KLF12: variants seen among roughly 807,000 people sequenced by gnomAD.
KLF12 encodes the protein KLF transcription factor 12.
KLF12 carries 9 observed loss-of-function variants against 37.8 expected under a neutral mutation model. The observed-to-expected ratio is 0.24, with a 90% CI of 0.14 to 0.42. The LOEUF (loss-of-function observed/expected upper bound fraction) is 0.42. KLF12 is among the 10% of genes least tolerant of loss of function. The probability of loss-of-function intolerance (pLI) is 1.00; values close to 1 mark genes in which losing one functional copy is unlikely to be tolerated. For synonymous variants in KLF12, 208 were observed against 202.1 expected (o/e 1.03, Z -0.25); for missense variants, 411 against 516.0 (o/e 0.80, Z 1.97).
rs144145565 is a variant in KLF12, at chr13:73,838,822, G to A, written c.670+7005C>T. Among the ~76,000 whole-genome samples, 687 of 152,252 alleles carry A rather than the reference G, an allele frequency of 4.5e-3. 2 individuals carry two copies. The highest frequency in any genetic ancestry group is 6.5e-3 in the Non-Finnish European group (439 of 68,026). ...AGGAAAAGACAGAAATGTAGCAAAA[G>A]GGGAGAAATAGCAGAGCATCTACAT... On this transcript the variant is annotated intron_variant, in intron 4 of 7. Coordinates refer to ENST00000377669, the MANE Select transcript of KLF12 (RefSeq NM_007249.5).
intron 7 of KLF12, among the ~76,000 whole-genome samples, chr13:73,704,756 T>TCCGACTCAGCAGTG (rs1043792837): frequency 1.0e-3 from 153 of 152,298 alleles, no homozygotes; most frequent in African/African-American, 3.5e-3. Flanking sequence ...TTCCTCTCTG[T>TCCGACTCAGCAGTG]CCGACTCAGC....
In KLF12 at chr13:73,913,107, T is replaced by C. The variant is rs141802265; in HGVS notation, c.123+30874A>G. Among the ~76,000 whole-genome samples, 10 of 152,328 alleles carry C rather than the reference T, an allele frequency of 6.6e-5. No homozygotes were observed. In the East Asian group the frequency reaches 1.9e-3, roughly 29 times the overall value. On this transcript the variant is annotated intron_variant, in intron 3 of 7. Transcript: ENST00000377669. ...TCTTCCCCACTAGAACACTAGCTCC[T>C]GAGGCACAGTGTTTCTGTTTCTCAT...
chr13:73,976,091 A>AC (rs1241012815), intron 2 of KLF12, among the ~76,000 whole-genome samples: 1 of 43,452 alleles, frequency 2.3e-5, no homozygotes, highest in Non-Finnish European at 9.1e-5. Context: ...ATAATAAGTC[A>AC]TTAAAAAAAA....
intron 5 of KLF12, among the ~76,000 whole-genome samples, chr13:73,783,785 C>T (rs995001979): frequency 6.6e-6 from 1 of 152,068 alleles, no homozygotes; most frequent in African/African-American, 2.4e-5. Context: ...CAAATTATGC[C>T]TTCCTGTTCT....
chr13:74,271,475 A>G, the KLF12 span, among the ~76,000 whole-genome samples: 2 of 152,330 alleles, frequency 1.3e-5, no homozygotes, highest in East Asian at 3.9e-4. Context: ...TTTTTATATC[A>G]TAGCAGAAGA....
chr13:73,696,703 G>T (rs906644379), intron 7 of KLF12, among the ~76,000 whole-genome samples: 4 of 152,140 alleles, frequency 2.6e-5, no homozygotes, highest in Non-Finnish European at 5.9e-5. Context: ...AGCTACAAAG[G>T]GGGTATTGTT....
chr13:74,249,802 G>A, the KLF12 span, among the ~76,000 whole-genome samples: 1 of 152,270 alleles, frequency 6.6e-6, no homozygotes, highest in Non-Finnish European at 1.5e-5. Context: ...TGAATATCAT[G>A]AGGAGGCGTT....
intron 5 of KLF12, among the ~76,000 whole-genome samples, chr13:73,803,078 T>C (rs539007426): frequency 6.6e-6 from 1 of 152,222 alleles, no homozygotes; most frequent in Non-Finnish European, 1.5e-5. Flanking sequence ...GTTTTTTGTT[T>C]GTTTGTTTTT....
intron 3 of KLF12, among the ~76,000 whole-genome samples, chr13:73,864,662 A>C (rs936222909): frequency 2.0e-5 from 3 of 152,158 alleles, no homozygotes; most frequent in Non-Finnish European, 4.4e-5. Context: ...AGGAGTTCAA[A>C]AGTTAGTCTA....
the KLF12 span, among the ~76,000 whole-genome samples, chr13:74,199,451 G>T: frequency 6.6e-6 from 1 of 152,138 alleles, no homozygotes; most frequent in Non-Finnish European, 1.5e-5. Context: ...TATTAGCCCT[G>T]CTGTACACTC....
At chr13:74,127,482 A>C (rs909015983) in intron 1 of KLF12, among the ~76,000 whole-genome samples, 1 of 152,212 alleles carries the variant, frequency 6.6e-6, no homozygotes, top group African/African-American at 2.4e-5. Flanking sequence ...GGGGATGATA[A>C]ATAAGAGAGT....
chr13:74,012,300 A>G (rs1203961072), intron 1 of KLF12, among the ~76,000 whole-genome samples: 7 of 152,220 alleles, frequency 4.6e-5, no homozygotes, highest in African/African-American at 1.7e-4. Flanking sequence ...ATTCGTGCAC[A>G]GCCATGTCTG....
intron 1 of KLF12, among the ~76,000 whole-genome samples, chr13:74,008,265 G>A (rs553252900): frequency 2.6e-5 from 4 of 152,244 alleles, no homozygotes; most frequent in South Asian, 4.1e-4. Context: ...GCAATGTCCA[G>A]TATATGCATG....
At chr13:73,909,195 G>A (rs73524873) in intron 3 of KLF12, among the ~76,000 whole-genome samples, 7,407 of 152,134 alleles carry the variant, frequency 0.049, 424 homozygotes, top group African/African-American at 0.14. Flanking sequence ...CCCAGCCCAA[G>A]GTATCCAAAG....
At chr13:74,286,222 C>T in the KLF12 span, among the ~76,000 whole-genome samples, 1 of 152,030 alleles carries the variant, frequency 6.6e-6, no homozygotes, top group Non-Finnish European at 1.5e-5. Flanking sequence ...AGAGGGTGTG[C>T]CACACTGAAA....
At chr13:73,789,651 T>C (rs1354561793) in intron 5 of KLF12, among the ~76,000 whole-genome samples, 1 of 151,300 alleles carries the variant, frequency 6.6e-6, no homozygotes, top group Non-Finnish European at 1.5e-5. Flanking sequence ...TGGACTCTAG[T>C]CCCAAATACA....
At chr13:73,944,135 G>A in intron 2 of KLF12, 65 bp from the exon 3 acceptor site, 3 of 942,998 alleles carry the variant, frequency 3.2e-6, no homozygotes, top group Non-Finnish European at 3.4e-6. Flanking sequence ...CTCTGGGAGA[G>A]TCTTCCCTCA....
At chr13:74,135,597 G>A (rs915405271), upstream of KLF12, among the ~76,000 whole-genome samples, 1 of 151,390 alleles carries the variant, frequency 6.6e-6, no homozygotes, top group African/African-American at 2.4e-5. Context: ...AAGCGGCCGG[G>A]CGGGCGGGGC....
At chr13:73,935,394 T>C (rs892857963) in intron 3 of KLF12, among the ~76,000 whole-genome samples, 4 of 152,206 alleles carry the variant, frequency 2.6e-5, no homozygotes, top group African/African-American at 7.2e-5. Flanking sequence ...TACAGTATGA[T>C]ATGGTTTGGA....
Sources: allele counts gnomAD v4.1 joint callset (sites outside exome capture counted in the v4.1 genomes callset), GRCh38; gene constraint gnomAD v4.1.1; transcripts MANE v1.5; gene names NCBI Gene and HGNC (gene_info 2026-07-23, HGNC 2026-07-21).